Variants in ARHGAP32 observed in about 807,000 individuals in gnomAD.
ARHGAP32 encodes rho GTPase-activating protein 32.
A neutral mutation model predicts 186.5 loss-of-function variants in ARHGAP32; 51 were observed. The ratio of observed to expected loss-of-function variants is 0.27; its 90% CI spans 0.22 to 0.35. ARHGAP32 has a LOEUF of 0.35. Among genes scored for constraint, ARHGAP32 ranks in the 10% least tolerant of loss-of-function variants. The pLI is 1.00. For missense variants in ARHGAP32, 2,186 were observed against 2,623.5 expected (o/e 0.83, Z 3.64); for synonymous variants, 950 against 964.3 (o/e 0.99, Z 0.27).
chr11:128,983,775 T>C (rs1453203719), intron 15 of ARHGAP32, among the ~76,000 whole-genome samples: 2 of 152,090 alleles, frequency 1.3e-5, no homozygotes, highest in Non-Finnish European at 2.9e-5. Context: ...ATGTATTTTA[T>C]GAGAATTGCA....
At chr11:129,170,984 T>A (rs1943748156) in intron 1 of ARHGAP32, among the ~76,000 whole-genome samples, 1 of 152,238 alleles carries the variant, frequency 6.6e-6, no homozygotes, top group South Asian at 2.1e-4. Flanking sequence ...AGGTGTCTGT[T>A]CATATCCTTT....
chr11:129,037,059 T>C (rs1006859504), intron 11 of ARHGAP32, among the ~76,000 whole-genome samples: 9 of 152,182 alleles, frequency 5.9e-5, no homozygotes, highest in Non-Finnish European at 1.2e-4. Context: ...TCCTATGGAC[T>C]TGCCATGAAC....
upstream of ARHGAP32, among the ~76,000 whole-genome samples, chr11:129,195,953 G>T (rs1944386011): frequency 6.6e-6 from 1 of 152,116 alleles, no homozygotes; most frequent in Non-Finnish European, 1.5e-5. Flanking sequence ...TTTAAACCCT[G>T]ATCAGCCTTC....
intron 10 of ARHGAP32, among the ~76,000 whole-genome samples, chr11:129,057,682 T>C (rs1940307462): frequency 6.9e-6 from 1 of 143,976 alleles, no homozygotes; most frequent in African/African-American, 2.7e-5. Context: ...ACAAATACTG[T>C]ATTTTCAATA....
Position 128,974,428 on chromosome 11 carries a change from C to T in ARHGAP32, c.2769G>A (p.Glu923=), listed in dbSNP as rs755982331. The change falls in exon 21 of 23, where the codon GAG becomes GAA. Residue 923 remains glutamate, a synonymous_variant. Transcript: ENST00000682385. Reference sequence around the variant, plus strand: ...GTGGTGGTAGGGTCACTGAAATTGGCTCAGATATGCTCATAGAAGGTGATT... The same window carrying T: ...GTGGTGGTAGGGTCACTGAAATTGGTTCAGATATGCTCATAGAAGGTGATT... The part of the protein sequence containing the change: ...LSKSPSMSIS[E]PISVTLPPRV... 2.5e-6 allele frequency: 4 copies of T among 1,614,150 alleles called. No individual in the cohort carries two copies. The highest frequency in any genetic ancestry group is 1.7e-6 in the Non-Finnish European group (2 of 1,180,002).
intron 11 of ARHGAP32, among the ~76,000 whole-genome samples, chr11:128,999,806 C>T (rs115142901): frequency 0.011 from 1,695 of 152,260 alleles, 35 homozygotes; most frequent in African/African-American, 0.039. Flanking sequence ...TAACCCATGA[C>T]GTTTGAATCA....
chr11:128,997,133 G>A (rs1420132959), intron 12 of ARHGAP32, among the ~76,000 whole-genome samples: 3 of 152,154 alleles, frequency 2.0e-5, no homozygotes, highest in Admixed American at 2.0e-4. Flanking sequence ...AAAACTAGAT[G>A]TCTCCCATCC....
chr11:128,970,199 TAGA>T lies in ARHGAP32; in HGVS notation c.5011_5013del (p.Ser1673del). On this transcript the variant is annotated inframe_deletion, in exon 23 of 23. Coordinates refer to ENST00000682385, the MANE Select transcript of ARHGAP32 (RefSeq NM_001378024.1). This position sits in a 1 kb window ranked among gnomAD's most constrained non-coding sequence, Gnocchi z 5.8. ...GCCCCATCTGGACTGTAATAGGAAC[TAGA>T]AGAACTGGAATATGGGCTATACCTG... 1.2e-6 allele frequency: 2 copies of T among 1,614,188 alleles called. No homozygotes were observed. Among genetic ancestry groups the T allele is most frequent in the Non-Finnish European group, 1.7e-6 (2 of 1,180,034 alleles).
chr11:129,275,890 T>C (rs576040029), intron 1 of ARHGAP32, among the ~76,000 whole-genome samples: 22 of 152,374 alleles, frequency 1.4e-4, no homozygotes, highest in African/African-American at 4.6e-4. Flanking sequence ...CTTCCCTAAA[T>C]AATGCAGACA....
At chr11:129,065,176 C>G (rs1035147567) in intron 7 of ARHGAP32, among the ~76,000 whole-genome samples, 6 of 152,194 alleles carry the variant, frequency 3.9e-5, no homozygotes, top group Admixed American at 1.3e-4. Context: ...TCCATGGTTT[C>G]TAATTTTGAC....
chr11:129,149,275 C>T (rs929193349), intron 2 of ARHGAP32, among the ~76,000 whole-genome samples: 3 of 152,190 alleles, frequency 2.0e-5, no homozygotes, highest in South Asian at 2.1e-4. Context: ...AACATCCTGG[C>T]TAACCAATGG....
intron 15 of ARHGAP32, among the ~76,000 whole-genome samples, chr11:128,983,897 T>G (rs1387167624): frequency 6.6e-6 from 1 of 152,166 alleles, no homozygotes; most frequent in African/African-American, 2.4e-5. Flanking sequence ...ACTTTTATAT[T>G]CAGCAGATGA....
chr11:128,988,265 T>A, intron 12 of ARHGAP32, 140 bp from the exon 13 acceptor site: 1 of 600,504 alleles, frequency 1.7e-6, no homozygotes, highest in African/African-American at 1.9e-5. Flanking sequence ...ATTAATCCAC[T>A]ACAAAAAATG....
intron 11 of ARHGAP32, among the ~76,000 whole-genome samples, chr11:129,009,434 T>C (rs1937957861): frequency 6.6e-6 from 1 of 152,208 alleles, no homozygotes; most frequent in South Asian, 2.1e-4. Context: ...GATCATCCAA[T>C]CACCTAGGTA....
chr11:129,277,649 T>C (rs1392814621), intron 1 of ARHGAP32, among the ~76,000 whole-genome samples: 6 of 152,224 alleles, frequency 3.9e-5, no homozygotes, highest in African/African-American at 9.6e-5. Flanking sequence ...CGAAGATAAC[T>C]GGCTTAAACA....
chr11:128,992,533 T>C, intron 12 of ARHGAP32, among the ~76,000 whole-genome samples: 1 of 151,936 alleles, frequency 6.6e-6, no homozygotes, highest in East Asian at 1.9e-4. Flanking sequence ...TCCCAGCACT[T>C]TGGGAGGCTG....
At chr11:129,048,201 C>G (rs1190418042) in intron 10 of ARHGAP32, among the ~76,000 whole-genome samples, 1 of 151,920 alleles carries the variant, frequency 6.6e-6, no homozygotes, top group East Asian at 1.9e-4. Flanking sequence ...CTCTTGCAGC[C>G]GGATATGCAG....
At chr11:129,074,377 A>C (rs1415738891) in intron 6 of ARHGAP32, among the ~76,000 whole-genome samples, 2 of 152,220 alleles carry the variant, frequency 1.3e-5, no homozygotes, top group Non-Finnish European at 2.9e-5. Context: ...GAGGAATTAC[A>C]AATAATTTTT....
At chr11:129,218,655 G>T (rs1413105997) in intron 1 of ARHGAP32, among the ~76,000 whole-genome samples, 2 of 152,112 alleles carry the variant, frequency 1.3e-5, no homozygotes, top group African/African-American at 4.8e-5. Flanking sequence ...GACAGAACGG[G>T]GGAAAGGAGC....
Sources: allele counts gnomAD v4.1 joint callset (sites outside exome capture counted in the v4.1 genomes callset), GRCh38; gene constraint gnomAD v4.1.1; non-coding constraint Gnocchi (gnomAD v3.1); transcripts MANE v1.5; gene names NCBI Gene and HGNC (gene_info 2026-07-23, HGNC 2026-07-21).